C10orf143: variants seen among roughly 807,000 people sequenced by gnomAD.
The protein encoded by C10orf143 is uncharacterized protein C10orf143.
At chr10:130,081,546 C>T (rs989501280) in intron 1 of C10orf143, among the ~76,000 whole-genome samples, 1 of 151,936 alleles carries the variant, frequency 6.6e-6, no homozygotes, top group Non-Finnish European at 1.5e-5. Context: ...ACTCACAGCA[C>T]AGTTACAACT....
chr10:130,110,546 A>C (rs1407154418), intron 1 of C10orf143, among the ~76,000 whole-genome samples, 158 bp downstream of exon 1: 2 of 140,866 alleles, frequency 1.4e-5, no homozygotes, highest in Non-Finnish European at 3.0e-5. Flanking sequence ...CACGCCCATC[A>C]CTGGCCACGC....
chr10:130,035,635 C>G (rs1860536879), intron 4 of C10orf143, among the ~76,000 whole-genome samples: 1 of 150,328 alleles, frequency 6.7e-6, no homozygotes, highest in South Asian at 2.1e-4. Context: ...CTTTATCCTC[C>G]CTATCCTCTA....
chr10:130,105,737 C>G (rs1028300558), intron 1 of C10orf143, among the ~76,000 whole-genome samples: 2 of 152,064 alleles, frequency 1.3e-5, no homozygotes, highest in Non-Finnish European at 2.9e-5. Flanking sequence ...TTCCCCTCCC[C>G]CCCCAAACAA....
chr10:130,057,305 C>T (rs150599585), intron 3 of C10orf143, among the ~76,000 whole-genome samples: 1 of 152,122 alleles, frequency 6.6e-6, no homozygotes, highest in Non-Finnish European at 1.5e-5. Flanking sequence ...CAACCATCAT[C>T]CCCCTATCCA....
chr10:130,046,847 G>T (rs551643785), intron 3 of C10orf143, among the ~76,000 whole-genome samples: 2 of 152,342 alleles, frequency 1.3e-5, no homozygotes, highest in African/African-American at 4.8e-5. Context: ...CGCCAGTCAC[G>T]TTCCCCAGGG....
At chr10:130,108,631 T>C (rs1229307234) in intron 1 of C10orf143, 1 of 498,096 alleles carries the variant, frequency 2.0e-6, no homozygotes, top group African/African-American at 1.9e-5. Context: ...TTATTTCCAT[T>C]GTATTTTATT....
At chr10:130,047,405 G>C (rs757768574) in intron 3 of C10orf143, among the ~76,000 whole-genome samples, 1 of 152,220 alleles carries the variant, frequency 6.6e-6, no homozygotes, top group Non-Finnish European at 1.5e-5. Flanking sequence ...GGCTTGGGGC[G>C]GGAGGGTCTG....
At chr10:130,036,965 G>A (rs1455901581) in intron 3 of C10orf143, among the ~76,000 whole-genome samples, 1 of 152,178 alleles carries the variant, frequency 6.6e-6, no homozygotes, top group Admixed American at 6.5e-5. Context: ...AGAGGGAGGC[G>A]TGGACCCTGC....
downstream of C10orf143, among the ~76,000 whole-genome samples, chr10:130,062,749 T>C (rs182834380): frequency 9.2e-5 from 14 of 152,328 alleles, no homozygotes; most frequent in Non-Finnish European, 1.8e-4. Context: ...CCCCTTCACA[T>C]ATACACTTAT....
At chr10:130,095,772 C>T (rs1440566407) in intron 1 of C10orf143, among the ~76,000 whole-genome samples, 3 of 152,156 alleles carry the variant, frequency 2.0e-5, no homozygotes, top group Admixed American at 2.0e-4. Flanking sequence ...CCCTTCCTTA[C>T]ACCTTATACA....
At chr10:130,070,831 C>T (rs1861020461) in intron 3 of C10orf143, among the ~76,000 whole-genome samples, 2 of 152,136 alleles carry the variant, frequency 1.3e-5, no homozygotes, top group South Asian at 4.1e-4. Flanking sequence ...TTGAGTAAAT[C>T]TATTGCAATT....
At chr10:130,089,008 C>G (rs1357094776) in intron 1 of C10orf143, among the ~76,000 whole-genome samples, 4 of 152,172 alleles carry the variant, frequency 2.6e-5, no homozygotes. Flanking sequence ...CCTCAGCCTA[C>G]TATGCTCGAG....
chr10:130,060,999 G>A (rs915061129), downstream of C10orf143, among the ~76,000 whole-genome samples: 4 of 152,090 alleles, frequency 2.6e-5, no homozygotes, highest in Non-Finnish European at 4.4e-5. Context: ...TTAGCCAGGC[G>A]TGGTGACACA....
chr10:130,049,298 C>T (rs1860710992), intron 3 of C10orf143, among the ~76,000 whole-genome samples: 1 of 152,336 alleles, frequency 6.6e-6, no homozygotes, highest in East Asian at 1.9e-4. Flanking sequence ...CGGGCAAGCT[C>T]CCCCTCTGCC....
chr10:130,037,208 A>T (rs1268960130), intron 3 of C10orf143, among the ~76,000 whole-genome samples: 1 of 152,190 alleles, frequency 6.6e-6, no homozygotes, highest in Non-Finnish European at 1.5e-5. Flanking sequence ...GGTGAGCAAC[A>T]AGGCTTCTTA....
intron 1 of C10orf143, among the ~76,000 whole-genome samples, chr10:130,091,057 A>T (rs562832814): frequency 6.6e-5 from 10 of 152,250 alleles, no homozygotes; most frequent in African/African-American, 2.2e-4. Context: ...CTAGCACAGC[A>T]CTCAAGCTCT....
chr10:130,066,970 C>T (rs548776748), intron 3 of C10orf143: 2 of 152,142 alleles, frequency 1.3e-5, no homozygotes, highest in Non-Finnish European at 2.9e-5. Flanking sequence ...ATGGGAAAAC[C>T]CTTTTCCACT....
At chr10:130,100,140 T>C (rs138949163) in intron 1 of C10orf143, among the ~76,000 whole-genome samples, 549 of 152,014 alleles carry the variant, frequency 3.6e-3, no homozygotes, top group African/African-American at 0.012. Context: ...CCGGGCTTCA[T>C]TTTCTTTTAA....
intron 3 of C10orf143, among the ~76,000 whole-genome samples, chr10:130,071,847 CT>C (rs2134755233): frequency 6.6e-6 from 1 of 152,306 alleles, no homozygotes; most frequent in Non-Finnish European, 1.5e-5. Context: ...TGGTCTTGAA[CT>C]CCCAACCTCA....
Sources: allele counts gnomAD v4.1 joint callset (sites outside exome capture counted in the v4.1 genomes callset), GRCh38; gene constraint gnomAD v4.1.1; transcripts MANE v1.5; gene names NCBI Gene and HGNC (gene_info 2026-07-23, HGNC 2026-07-21).